The following GXYLT1 variants were observed in gnomAD, a reference collection of about 807,000 sequenced individuals.
The protein encoded by GXYLT1 is glycosyltransferase 8 domain containing 3.
GXYLT1 carries 29 observed loss-of-function variants against 54.0 expected under a neutral mutation model. The observed-to-expected ratio is 0.54, with a 90% CI of 0.40 to 0.73. The LOEUF (loss-of-function observed/expected upper bound fraction) is 0.73, where lower values mean the gene tolerates loss of function less well. Among genes scored for constraint, GXYLT1 ranks in the 30% least tolerant of loss-of-function variants. GXYLT1 has a pLI of 0.00. For synonymous variants in GXYLT1, 176 were observed against 204.1 expected (o/e 0.86, Z 1.17); for missense variants, 490 against 553.4 (o/e 0.89, Z 1.15).
chr12:42,087,811 T>A lies in GXYLT1; in HGVS notation c.1298A>T (p.Tyr433Phe). Residue 433 changes from tyrosine to phenylalanine, a missense_variant, in exon 8 of 8, where the codon TAT (tyrosine) becomes TTT (phenylalanine). This residue lies in a region of GXYLT1 where 342 missense variants were observed against 342.6 expected (regional missense o/e 1.00). Transcript: ENST00000398675. ...TCACTTTTCCTTTGGTGATCTGGCA[T>A]AACGATCTCTTACACTTTTTGCTAG... ...KQLAKSVRDR[Y>F]ARSPKEK 3 of 1,605,702 alleles carry A rather than the reference T, an allele frequency of 1.9e-6. No individual in the cohort carries two copies. The highest frequency in any genetic ancestry group is 2.5e-6 in the Non-Finnish European group (3 of 1,177,234).
chr12:42,091,889 T>G (rs1272861375), intron 7 of GXYLT1, among the ~76,000 whole-genome samples: 1 of 152,182 alleles, frequency 6.6e-6, no homozygotes, highest in Non-Finnish European at 1.5e-5. Context: ...CTTTCATCCA[T>G]CACTCCAGTC....
Position 42,124,667 on chromosome 12 carries a change from T to A in GXYLT1, c.314+5092A>T, listed in dbSNP as rs149908741. On this transcript the variant is annotated intron_variant, in intron 2 of 7. Transcript: ENST00000398675. Reference sequence around the variant, plus strand: ...ATGCTGGTGCAGGCTTACAGCCATATAATTTTTAAAACACAATTTAGTGAT... The same window carrying A: ...ATGCTGGTGCAGGCTTACAGCCATAAAATTTTTAAAACACAATTTAGTGAT... Among the ~76,000 whole-genome samples the A allele has an allele frequency of 2.8e-3, 433 of 152,364 alleles. 1 individual carries two copies. Among genetic ancestry groups the A allele is most frequent in the African/African-American group, 9.3e-3 (386 of 41,592 alleles).
Position 42,114,252 on chromosome 12 carries a change from T to G in GXYLT1, c.487-4561A>C, listed in dbSNP as rs546613480. On this transcript the variant is annotated intron_variant, in intron 3 of 7. Coordinates refer to ENST00000398675, the MANE Select transcript of GXYLT1 (RefSeq NM_173601.2). The stretch of plus-strand genomic sequence containing the variant: ...AGCAAGAGCAAAGACATTCAAAACC[T>G]AGCAGAAGGCAAGAAATAACAAAGA... Among the ~76,000 whole-genome samples the G allele has an allele frequency of 3.3e-5, 5 of 152,224 alleles. No individual in the cohort carries two copies. In the East Asian group the frequency reaches 9.6e-4, roughly 29 times the overall value.
intron 2 of GXYLT1, among the ~76,000 whole-genome samples, chr12:42,126,303 G>T (rs897953022): frequency 6.6e-6 from 1 of 152,058 alleles, no homozygotes; most frequent in Non-Finnish European, 1.5e-5. Context: ...TCGAACTCCT[G>T]ACCTCAGGCG....
rs770270257 is a variant in GXYLT1 at position 42,129,768 on chromosome 12, G to A, written c.305C>T (p.Ala102Val). 5.0e-6 allele frequency: 8 copies of A among 1,611,608 alleles called. No individual in the cohort carries two copies. The highest frequency in any genetic ancestry group is 1.7e-5 in the Admixed American group (1 of 59,972). ...AATATTAAGTGCCTACCTAAAAGCC[G>A]CTTCCCAAAAGCAGTTCATTCCACA... ...DVCGMNCFWE[A>V]AFRYSLKIQP... Residue 102 changes from alanine (A) to valine (V), a missense_variant, in exon 2 of 8, where the codon GCG becomes GTG. Transcript: ENST00000398675.
At chr12:42,119,195 T>C in intron 2 of GXYLT1, 24 bp from the exon 3 acceptor site, 1 of 1,495,162 alleles carries the variant, frequency 6.7e-7, no homozygotes, top group Non-Finnish European at 9.0e-7. Context: ...AAACCACATT[T>C]TTCAACAGTT....
intron 5 of GXYLT1, among the ~76,000 whole-genome samples, chr12:42,098,772 T>TATATATATATATATATATATAC (rs2065372585): frequency 7.1e-6 from 1 of 140,506 alleles, no homozygotes; most frequent in South Asian, 2.3e-4. Flanking sequence ...TATATATATA[T>TATATATATATATATATATATAC]ATATATATAT....
At chr12:42,098,139 A>T in intron 5 of GXYLT1, 106 bp from the exon 6 acceptor site, 1 of 1,030,014 alleles carries the variant, frequency 9.7e-7, no homozygotes, top group Non-Finnish European at 1.5e-6. Context: ...ATCCACAAAG[A>T]GAAATGCAAA....
intron 1 of GXYLT1, among the ~76,000 whole-genome samples, chr12:42,134,438 G>A (rs145715133): frequency 7.6e-4 from 116 of 152,220 alleles, no homozygotes; most frequent in African/African-American, 2.6e-3. Context: ...CAGTCCCCAA[G>A]TATCTAGGAC....
intron 2 of GXYLT1, 68 bp from the exon 3 acceptor site, chr12:42,119,239 G>T: frequency 7.6e-7 from 1 of 1,310,360 alleles, no homozygotes. Context: ...CTTTCATCAT[G>T]CTCAAAAAGT....
At position 42,097,526 on chromosome 12, in the gene GXYLT1, T is replaced by C. The variant is rs1361955317; in HGVS notation, c.1077A>G (p.Gly359=). ...GSNCQEAEEG[G]IFILHGNRGV... ...CTCTGTTCCCATGAAGAATAAAGAT[T>C]CCTCCTTCTTCTGCTTCTTGGCAAT... The change falls in exon 7 of 8, where the codon GGA becomes GGG. Residue 359 remains glycine, a synonymous_variant. Transcript: ENST00000398675. 2.5e-6 allele frequency: 4 copies of C among 1,611,298 alleles called. No homozygotes were observed. Among genetic ancestry groups the C allele is most frequent in the Non-Finnish European group, 3.4e-6 (4 of 1,178,728 alleles).
At chr12:42,089,016 T>C (rs2065313845) in intron 7 of GXYLT1, among the ~76,000 whole-genome samples, 1 of 152,026 alleles carries the variant, frequency 6.6e-6, no homozygotes, top group Non-Finnish European at 1.5e-5. Flanking sequence ...TCCTAAACTT[T>C]GGCATCTTTT....
At chr12:42,143,731 T>G (rs1276655225) in intron 1 of GXYLT1, among the ~76,000 whole-genome samples, 4 of 152,248 alleles carry the variant, frequency 2.6e-5, no homozygotes, top group South Asian at 2.1e-4. Context: ...TGGCAGTGAT[T>G]ACGTCCTAAG....
chr12:42,106,623 A>T (rs1484154363), intron 4 of GXYLT1, among the ~76,000 whole-genome samples: 1 of 152,156 alleles, frequency 6.6e-6, no homozygotes, highest in Non-Finnish European at 1.5e-5. Context: ...GCACCTAGCA[A>T]GGGTAAAGGC....
intron 3 of GXYLT1, among the ~76,000 whole-genome samples, chr12:42,111,703 C>G (rs1279758374): frequency 1.3e-5 from 2 of 152,234 alleles, no homozygotes; most frequent in African/African-American, 4.8e-5. Flanking sequence ...GGCTCCACCT[C>G]TGGGGGCAGG....
chr12:42,112,011 A>G (rs547474276), intron 3 of GXYLT1, among the ~76,000 whole-genome samples: 3 of 152,326 alleles, frequency 2.0e-5, no homozygotes, highest in East Asian at 3.9e-4. Context: ...ACTGCTGCTG[A>G]TACCCAGGCA....
intron 5 of GXYLT1, among the ~76,000 whole-genome samples, chr12:42,102,628 T>C (rs528462919): frequency 6.6e-6 from 1 of 152,154 alleles, no homozygotes; most frequent in African/African-American, 2.4e-5. Context: ...TATAGAAAGC[T>C]GAAAAGGGCA....
intron 2 of GXYLT1, among the ~76,000 whole-genome samples, chr12:42,119,587 C>G (rs1246039075): frequency 6.6e-6 from 1 of 152,010 alleles, no homozygotes; most frequent in African/African-American, 2.4e-5. Context: ...GCAGCAGGGT[C>G]ACTTCAGTCC....
At position 42,119,184 on chromosome 12, in the gene GXYLT1, A is replaced by G. The variant is rs983708212; in HGVS notation, c.315-13T>C. On this transcript the variant is annotated splice_polypyrimidine_tract_variant and intron_variant, in intron 2 of 7. Coordinates refer to ENST00000398675, the MANE Select transcript of GXYLT1 (RefSeq NM_173601.2). The stretch of plus-strand genomic sequence containing the variant: ...TTTCAGACTGTACCTAATAGGAAAG[A>G]AAACCACATTTTTCAACAGTTTTAG... 1 of 1,497,150 alleles carries G rather than the reference A, an allele frequency of 6.7e-7. No homozygotes were observed. Among genetic ancestry groups the G allele is most frequent in the Admixed American group, 2.1e-5 (1 of 48,756 alleles). 92.7% of individuals were successfully genotyped at this position (1,497,150 alleles called of 1,614,324 possible). A position where few individuals can be genotyped will look rare whatever the true frequency, so the allele number is the denominator to read the frequency against.
Sources: allele counts gnomAD v4.1 joint callset (sites outside exome capture counted in the v4.1 genomes callset), GRCh38; gene constraint gnomAD v4.1.1; regional missense constraint gnomAD v4.1.1; transcripts MANE v1.5; gene names NCBI Gene and HGNC (gene_info 2026-07-23, HGNC 2026-07-21).